The following RABGEF1 variants were observed in gnomAD, a reference collection of about 807,000 sequenced individuals.
RABGEF1 encodes rab5 GDP/GTP exchange factor.
A neutral mutation model predicts 57.3 loss-of-function variants in RABGEF1; 26 were observed. That is an observed-to-expected ratio of 0.45 (90% CI 0.33 to 0.63). RABGEF1 has a LOEUF of 0.63. RABGEF1 is among the 20% of genes least tolerant of loss of function. The probability of loss-of-function intolerance (pLI) is 0.02; values close to 1 mark genes in which losing one functional copy is unlikely to be tolerated. For missense variants in RABGEF1, 464 were observed against 607.6 expected (o/e 0.76, Z 2.48); for synonymous variants, 185 against 210.7 (o/e 0.88, Z 1.06).
intron 6 of RABGEF1, among the ~76,000 whole-genome samples, 156 bp from the exon 7 acceptor site, chr7:66,799,167 G>A (rs1228391980): frequency 1.3e-5 from 2 of 152,184 alleles, no homozygotes; most frequent in East Asian, 1.9e-4. Flanking sequence ...GCTTCATCAC[G>A]TCATTAGAGC....
chr7:66,680,273 T>C (rs1789605870), upstream of RABGEF1, among the ~76,000 whole-genome samples: 1 of 151,842 alleles, frequency 6.6e-6, no homozygotes, highest in Non-Finnish European at 1.5e-5. Flanking sequence ...TGAGACAGAG[T>C]TTCGCTCTTG....
chr7:66,684,790 A>G (rs1790348432), intron 1 of RABGEF1, among the ~76,000 whole-genome samples: 2 of 152,090 alleles, frequency 1.3e-5, no homozygotes, highest in Admixed American at 6.5e-5. Context: ...ACCCGCCACC[A>G]TGCCTGGCTA....
chr7:66,748,739 G>T, intron 1 of RABGEF1: 1 of 153,820 alleles, frequency 6.5e-6, no homozygotes. Flanking sequence ...TTTACCTGAT[G>T]ATTACACTTT....
intron 1 of RABGEF1, among the ~76,000 whole-genome samples, chr7:66,705,443 A>AAGAGAGAGAGAG (rs57856916): frequency 1.2e-4 from 8 of 66,346 alleles, no homozygotes; most frequent in African/African-American, 3.0e-4. Context: ...TCTCGAAAGA[A>AAGAGAGAGAGAG]AGAGAGAGAG....
chr7:66,732,262 G>C (rs1296259292), intron 2 of RABGEF1, among the ~76,000 whole-genome samples: 1 of 152,218 alleles, frequency 6.6e-6, no homozygotes, highest in Admixed American at 6.5e-5. Flanking sequence ...TGAGCAGGCA[G>C]CTGGCGTCTG....
chr7:66,803,665 C>T (rs1199073224), intron 7 of RABGEF1, among the ~76,000 whole-genome samples: 1 of 152,000 alleles, frequency 6.6e-6, no homozygotes, highest in Non-Finnish European at 1.5e-5. Flanking sequence ...CTGAGGTGGG[C>T]GGATCACGAG....
the RABGEF1 span, among the ~76,000 whole-genome samples, chr7:66,656,862 G>A: frequency 2.0e-5 from 3 of 146,636 alleles, no homozygotes; most frequent in African/African-American, 5.0e-5. Context: ...GAGACCAGGA[G>A]TGGCCACATG....
intron 1 of RABGEF1, among the ~76,000 whole-genome samples, chr7:66,743,198 T>A (rs535297738): frequency 7.7e-4 from 117 of 152,068 alleles, no homozygotes; most frequent in African/African-American, 2.6e-3. Flanking sequence ...TGCTAGCTAC[T>A]CAGGAGGCTG....
intron 1 of RABGEF1, among the ~76,000 whole-genome samples, chr7:66,685,061 G>A (rs1790390102): frequency 6.6e-6 from 1 of 151,946 alleles, no homozygotes; most frequent in South Asian, 2.1e-4. Context: ...CACTGCACCC[G>A]GCCTTAAAAT....
At chr7:66,742,105 C>T (rs987078051) in intron 1 of RABGEF1, among the ~76,000 whole-genome samples, 4 of 151,748 alleles carry the variant, frequency 2.6e-5, no homozygotes, top group South Asian at 2.1e-4. Context: ...GAGCCGAAAT[C>T]GTGCCACTGC....
At chr7:66,705,817 C>T (rs1793978141) in intron 1 of RABGEF1, among the ~76,000 whole-genome samples, 1 of 141,434 alleles carries the variant, frequency 7.1e-6, no homozygotes, top group African/African-American at 2.7e-5. Flanking sequence ...TCAAACAATT[C>T]TCCTGTCTCA....
chr7:66,726,665 C>CCCTGACCTCCA (rs1392549091), intron 2 of RABGEF1, among the ~76,000 whole-genome samples: 1 of 151,966 alleles, frequency 6.6e-6, no homozygotes, highest in African/African-American at 2.4e-5. Flanking sequence ...CTGCACCCAG[C>CCCTGACCTCCA]CCAAAAAGCA....
rs1789150946 is a variant in RABGEF1 at position 66,809,246 on chromosome 7, C to T, written c.1438C>T (p.Leu480Phe). ...CTCTGAAAACGTTGAAAATGATAAA[C>T]TTCCTCCACCACTGCAACCTCAAGT... ...IDSENVENDK[L>F]PPPLQPQVYA... The change falls in exon 9 of 9, where the codon CTT (leucine) becomes TTT (phenylalanine). Residue 480 changes from leucine (L) to phenylalanine (F), a missense_variant. By Grantham distance (22) the Leu-to-Phe change is conservative. Transcript: ENST00000284957. The T allele has an allele frequency of 6.2e-7, 1 of 1,611,672 alleles. No homozygotes were observed. The highest frequency in any genetic ancestry group is 8.5e-7 in the Non-Finnish European group (1 of 1,178,222).
chr7:66,658,315 C>T, the RABGEF1 span, among the ~76,000 whole-genome samples: 1 of 152,090 alleles, frequency 6.6e-6, no homozygotes, highest in Non-Finnish European at 1.5e-5. Flanking sequence ...GGCGGATCAC[C>T]TGAGATCAGG....
chr7:66,678,865 G>A (rs1164223463), upstream of RABGEF1, among the ~76,000 whole-genome samples: 1 of 152,124 alleles, frequency 6.6e-6, no homozygotes, highest in Non-Finnish European at 1.5e-5. Context: ...TGTTTTCACA[G>A]AATTACAGGT....
intron 1 of RABGEF1, among the ~76,000 whole-genome samples, chr7:66,691,994 C>T (rs1367739122): frequency 6.6e-6 from 1 of 152,146 alleles, no homozygotes; most frequent in African/African-American, 2.4e-5. Context: ...GAGGTTGAGA[C>T]TGCAGTGAGC....
At chr7:66,732,571 C>T (rs1413115386) in intron 2 of RABGEF1, among the ~76,000 whole-genome samples, 3 of 152,124 alleles carry the variant, frequency 2.0e-5, no homozygotes, top group Non-Finnish European at 4.4e-5. Context: ...GGTGTCTCAT[C>T]TCAGCAGGTG....
rs1236101579 is a variant in RABGEF1 at position 66,811,062 on chromosome 7, TTGGTTTAATTTTCTATGTGCTTTTAGG to T, written c.*1781_*1807del. On this transcript the variant is annotated 3_prime_UTR_variant, in exon 9 of 9. Coordinates refer to ENST00000284957, the MANE Select transcript of RABGEF1 (RefSeq NM_014504.3). ...ATTTTAGTACAAAACTTGCCCTTCT[TTGGTTTAATTTTCTATGTGCTTTTAGG>T]TGTGAATCCAGATATGCGGTCTTAA... The T allele has an allele frequency of 1.3e-5, 2 of 152,148 alleles. No individual in the cohort carries two copies. The highest frequency in any genetic ancestry group is 2.9e-5 in the Non-Finnish European group (2 of 68,026). The allele number at this position is 152,148 out of a possible 1,614,324, so 9.4% of individuals were successfully genotyped here.
intron 2 of RABGEF1, among the ~76,000 whole-genome samples, chr7:66,713,219 G>A (rs12698542): frequency 0.1 from 15,576 of 149,348 alleles, 978 homozygotes; most frequent in South Asian, 0.2. Flanking sequence ...TCAGCTCACC[G>A]CAAGCTCTGC....
Sources: gnomAD v4.1 joint callset for allele counts (sites outside exome capture counted in the v4.1 genomes callset) on GRCh38, gnomAD v4.1.1 for gene constraint, MANE v1.5 for transcripts, NCBI Gene and HGNC (gene_info 2026-07-23, HGNC 2026-07-21) for gene names.